ATG5: variants seen among roughly 807,000 people sequenced by gnomAD.
ATG5 encodes autophagy related 5, also known as autophagy protein 5.
In ATG5, 14 loss-of-function variants were observed where a neutral mutation model predicts 36.5. That is an observed-to-expected ratio of 0.38 (90% CI 0.25 to 0.60). ATG5 has a LOEUF of 0.60. ATG5 is among the 20% of genes least tolerant of loss of function. The pLI, the probability that ATG5 is intolerant of heterozygous loss-of-function variation, is 0.60. For synonymous variants in ATG5, 95 were observed against 101.5 expected, an observed-to-expected ratio of 0.94 and a Z score of 0.38; for missense variants, 195 against 326.7, an observed-to-expected ratio of 0.60 and a Z score of 3.11.
At chr6:106,249,211 T>A (rs1778467749) in intron 5 of ATG5, among the ~76,000 whole-genome samples, 1 of 152,154 alleles carries the variant, frequency 6.6e-6, no homozygotes, top group South Asian at 2.1e-4. Context: ...TTCAGAACAT[T>A]TTCAGCATCC....
At chr6:106,289,679 T>A (rs564983509) in intron 4 of ATG5, among the ~76,000 whole-genome samples, 63 of 152,252 alleles carry the variant, frequency 4.1e-4, no homozygotes, top group Non-Finnish European at 6.3e-4. Flanking sequence ...AAAAAAAACA[T>A]TAATTCACTT....
intron 3 of ATG5, among the ~76,000 whole-genome samples, chr6:106,307,441 A>G (rs1411970858): frequency 6.6e-6 from 1 of 152,022 alleles, no homozygotes; most frequent in Non-Finnish European, 1.5e-5. Context: ...TATTTTTGGA[A>G]GCACAATGAA....
chr6:106,319,701 T>A (rs580187), intron 1 of ATG5, among the ~76,000 whole-genome samples: 32,775 of 152,124 alleles, frequency 0.22, 3,963 homozygotes, highest in Admixed American at 0.35. Context: ...TTGTAAGTTT[T>A]TATCAATAGT....
intron 5 of ATG5, among the ~76,000 whole-genome samples, chr6:106,256,092 T>A (rs554083901): frequency 6.6e-6 from 1 of 152,308 alleles, no homozygotes; most frequent in South Asian, 2.1e-4. Flanking sequence ...ACAAAAATAT[T>A]TTAATTTTTG....
chr6:106,221,245 C>A (rs184516435), intron 6 of ATG5, among the ~76,000 whole-genome samples: 1 of 152,270 alleles, frequency 6.6e-6, no homozygotes, highest in Admixed American at 6.5e-5. Flanking sequence ...AGTAGACTTA[C>A]ATTTTGTAAT....
At chr6:106,293,806 T>C (rs1025023436) in intron 3 of ATG5, among the ~76,000 whole-genome samples, 1 of 152,158 alleles carries the variant, frequency 6.6e-6, no homozygotes, top group Non-Finnish European at 1.5e-5. Context: ...TAAATAAACA[T>C]GACTAATACA....
chr6:106,314,352 T>A (rs1487803558), intron 2 of ATG5, among the ~76,000 whole-genome samples: 1 of 151,330 alleles, frequency 6.6e-6, no homozygotes, highest in Non-Finnish European at 1.5e-5. Flanking sequence ...AGGTCAGGAG[T>A]TTGAGACCAG....
intron 1 of ATG5, among the ~76,000 whole-genome samples, chr6:106,323,260 CTTTTTTTTTTTTTTT>C (rs71274321): frequency 1.6e-5 from 1 of 64,222 alleles, no homozygotes; most frequent in East Asian, 4.3e-4. Context: ...TGGAAAAGTC[CTTTTTTTTTTTTTTT>C]TTTTTTTTTT....
At chr6:106,196,958 AAC>A (rs1776218964) in intron 7 of ATG5, among the ~76,000 whole-genome samples, 2 of 144,846 alleles carry the variant, frequency 1.4e-5, no homozygotes, top group African/African-American at 2.7e-5. Context: ...AGCAACTGTT[AAC>A]TTTAGTTTTT....
At chr6:106,216,612 G>T (rs543682055) in intron 6 of ATG5, among the ~76,000 whole-genome samples, 3 of 152,266 alleles carry the variant, frequency 2.0e-5, no homozygotes, top group African/African-American at 7.2e-5. Context: ...AATGGGCATG[G>T]GGTTTCTTTT....
chr6:106,307,535 CTT>C (rs34511184), intron 3 of ATG5, among the ~76,000 whole-genome samples: 2,598 of 105,058 alleles, frequency 0.025, 35 homozygotes, highest in African/African-American at 0.058. Flanking sequence ...TTTCAATACC[CTT>C]TTTTTTTTTT....
chr6:106,276,936 C>T (rs1011584728), intron 5 of ATG5, among the ~76,000 whole-genome samples: 7 of 152,156 alleles, frequency 4.6e-5, no homozygotes, highest in East Asian at 3.9e-4. Flanking sequence ...AAATGTGGTA[C>T]GGGGCCTAGT....
intron 4 of ATG5, among the ~76,000 whole-genome samples, chr6:106,290,733 A>G (rs1337104808): frequency 6.6e-6 from 1 of 152,196 alleles, no homozygotes; most frequent in Non-Finnish European, 1.5e-5. Context: ...TTACACATGC[A>G]TGATCTTGTA....
chr6:106,293,022 C>T lies in ATG5; in HGVS notation c.315+6G>A. On this transcript the variant is annotated splice_donor_region_variant and intron_variant, in intron 4 of 7. Transcript: ENST00000369076. The stretch of plus-strand genomic sequence containing the variant: ...TGGGACGAAGGAGAAATGCAATTTA[C>T]TATACCTTAAAATGTACTGTGATGT... 6.2e-7 allele frequency: 1 copy of T among 1,609,470 alleles called. No individual in the cohort carries two copies. Among genetic ancestry groups the T allele is most frequent in the South Asian group, 1.1e-5 (1 of 90,506 alleles).
At chr6:106,211,354 G>A (rs552656935) in intron 6 of ATG5, among the ~76,000 whole-genome samples, 1 of 152,308 alleles carries the variant, frequency 6.6e-6, no homozygotes, top group African/African-American at 2.4e-5. Context: ...GGTGCTGGGG[G>A]AGTCTCCTAC....
chr6:106,219,534 T>G (rs1777162686), intron 6 of ATG5, among the ~76,000 whole-genome samples: 1 of 152,164 alleles, frequency 6.6e-6, no homozygotes, highest in South Asian at 2.1e-4. Context: ...TAACAACTAT[T>G]TTCACAGTGT....
chr6:106,273,083 G>C (rs1477516149), intron 5 of ATG5, among the ~76,000 whole-genome samples: 2 of 152,114 alleles, frequency 1.3e-5, no homozygotes, highest in Non-Finnish European at 2.9e-5. Flanking sequence ...TTTTGCTAAA[G>C]ACTGTAAAAA....
intron 7 of ATG5, among the ~76,000 whole-genome samples, chr6:106,191,706 TC>T (rs1775971462): frequency 6.6e-6 from 1 of 152,042 alleles, no homozygotes; most frequent in Admixed American, 6.6e-5. Flanking sequence ...CACCCCTCTC[TC>T]CTGCTCACTC....
chr6:106,212,496 G>A (rs889138640), intron 6 of ATG5, among the ~76,000 whole-genome samples: 7 of 152,260 alleles, frequency 4.6e-5, no homozygotes, highest in African/African-American at 1.4e-4. Context: ...AAAATTAGCC[G>A]GGCGCTGTGG....
Sources: allele counts gnomAD v4.1 joint callset (sites outside exome capture counted in the v4.1 genomes callset), GRCh38; gene constraint gnomAD v4.1.1; transcripts MANE v1.5; gene names NCBI Gene and HGNC (gene_info 2026-07-23, HGNC 2026-07-21).